Variants in STAT2 observed in about 807,000 individuals in gnomAD.
STAT2 encodes the protein signal transducer and activator of transcription 2, also known as interferon alpha induced transcriptional activator.
In STAT2, 51 loss-of-function variants were observed where a neutral mutation model predicts 122.3. That is an observed-to-expected ratio of 0.42 (90% CI 0.33 to 0.53). STAT2 has a LOEUF of 0.53. Ranked by LOEUF, STAT2 falls within the 20% of genes least tolerant of loss-of-function variation. The pLI, the probability that STAT2 is intolerant of heterozygous loss-of-function variation, is 0.10. For missense variants in STAT2, 736 were observed against 1,010.3 expected, an observed-to-expected ratio of 0.73 and a Z score of 3.68; for synonymous variants, 351 against 394.9, an observed-to-expected ratio of 0.89 and a Z score of 1.32.
At chr12:56,355,996 T>G in intron 3 of STAT2, 136 bp downstream of exon 3, 1 of 1,345,082 alleles carries the variant, frequency 7.4e-7, no homozygotes, top group Non-Finnish European at 1.0e-6. Context: ...ATTCCCCAAG[T>G]CCAGACTCTG....
rs190369896 is a variant in STAT2 at position 56,342,447 on chromosome 12, A to T, written c.*942T>A. 5.3e-5 allele frequency: 8 copies of T among 151,922 alleles called. No homozygotes were observed. In the East Asian group the frequency reaches 1.4e-3, roughly 26 times the overall value. The allele number at this position is 151,922 out of a possible 1,614,324, so 9.4% of individuals were successfully genotyped here. ...GACCCTGTCTTTAAAAAAAAAAAAT[A>T]GGGCATGGTGGCGCATGCCATGGTG... On this transcript the variant is annotated 3_prime_UTR_variant, in exon 24 of 24. Transcript: ENST00000314128.
intron 1 of STAT2, among the ~76,000 whole-genome samples, chr12:56,359,180 G>C (rs1879986527): frequency 6.6e-6 from 1 of 152,160 alleles, no homozygotes; most frequent in African/African-American, 2.4e-5. Flanking sequence ...AGGGAAGGGA[G>C]GGATTGGGCA....
At position 56,346,212 on chromosome 12, in the gene STAT2, A is replaced by C. The variant is rs1291159527; in HGVS notation, c.2045-9T>G. ...CCGTTCCTGGAGATTAACTGTGAGG[A>C]ACATATACAAGAAGCAGAGAAGATC... On this transcript the variant is annotated splice_polypyrimidine_tract_variant and intron_variant, in intron 21 of 23. Coordinates refer to ENST00000314128, the MANE Select transcript of STAT2 (RefSeq NM_005419.4). 5 of 1,613,748 alleles carry C rather than the reference A, an allele frequency of 3.1e-6. No individual in the cohort carries two copies. The highest frequency in any genetic ancestry group is 2.2e-5 in the East Asian group (1 of 44,898).
At chr12:56,359,865 G>C (rs1880111072) in intron 1 of STAT2, among the ~76,000 whole-genome samples, 193 bp downstream of exon 1, 1 of 152,186 alleles carries the variant, frequency 6.6e-6, no homozygotes, top group Non-Finnish European at 1.5e-5. Context: ...TTTTGGGAGA[G>C]GGGCATTAGG....
At position 56,342,628 on chromosome 12, in the gene STAT2, C is replaced by T. The variant is rs1354492256; in HGVS notation, c.*761G>A. 1 of 152,188 alleles carries T rather than the reference C, an allele frequency of 6.6e-6. No homozygotes were observed. Among genetic ancestry groups the T allele is most frequent in the Non-Finnish European group, 1.5e-5 (1 of 68,244 alleles). 9.4% of individuals were successfully genotyped at this position (152,188 alleles called of 1,614,324 possible). A position where few individuals can be genotyped will look rare whatever the true frequency, so the allele number is the denominator to read the frequency against. On this transcript the variant is annotated 3_prime_UTR_variant, in exon 24 of 24. Coordinates refer to ENST00000314128, the MANE Select transcript of STAT2 (RefSeq NM_005419.4). The stretch of plus-strand genomic sequence containing the variant: ...CCCCAGCAATCCTACCATCCCCAGC[C>T]TCCAGGAGTGATCTGTCTCCTAAGC...
chr12:56,350,535 C>A (rs1355588991), intron 11 of STAT2, 103 bp from the exon 12 acceptor site: 9 of 1,080,092 alleles, frequency 8.3e-6, no homozygotes, highest in South Asian at 6.4e-5. Flanking sequence ...CCGACTTGAG[C>A]TCACTAGCTA....
chr12:56,346,390 A>C (rs780402139), intron 21 of STAT2, 52 bp downstream of exon 21: 1 of 1,604,508 alleles, frequency 6.2e-7, no homozygotes, highest in Non-Finnish European at 8.5e-7. Context: ...GGATCTATGG[A>C]TGTCTGGTAG....
intron 1 of STAT2, among the ~76,000 whole-genome samples, chr12:56,358,800 G>A (rs1396733832): frequency 6.6e-6 from 1 of 152,126 alleles, no homozygotes; most frequent in Non-Finnish European, 1.5e-5. Context: ...AGAGGCTGAG[G>A]CAGGAGAATG....
intron 8 of STAT2, chr12:56,352,421 T>C (rs1878672295): frequency 6.8e-6 from 1 of 146,802 alleles, no homozygotes; most frequent in African/African-American, 2.5e-5. Flanking sequence ...GAAAGCCTGC[T>C]AGACAAATCC....
chr12:56,347,007 G>T (rs74878892), intron 19 of STAT2, 52 bp from the exon 20 acceptor site: 2 of 1,597,848 alleles, frequency 1.3e-6, no homozygotes, highest in South Asian at 2.2e-5. Flanking sequence ...TGCCCCACCA[G>T]GCCCCTGCCT....
At position 56,349,480 on chromosome 12, in the gene STAT2, G is replaced by A. The variant is rs1275716744; in HGVS notation, c.1287C>T (p.His429=). 2 of 1,614,188 alleles carry A rather than the reference G, an allele frequency of 1.2e-6. No individual in the cohort carries two copies. The highest frequency in any genetic ancestry group is 8.5e-7 in the Non-Finnish European group (1 of 1,180,036). ...KGPLGVTEEL[H]IISFTVKYTY... is the part of the protein sequence containing the mutation. Reference sequence around the variant, plus strand: ...TATATTTGACCGTGAAGCTGATGATGTGCAGTTCCTCTGTCACACCTAGTG... The same window carrying A: ...TATATTTGACCGTGAAGCTGATGATATGCAGTTCCTCTGTCACACCTAGTG... The change falls in exon 15 of 24, where the codon CAC becomes CAT. Residue 429 remains histidine (H), a synonymous_variant. Coordinates refer to ENST00000314128, the MANE Select transcript of STAT2 (RefSeq NM_005419.4).
At position 56,349,156 on chromosome 12, in the gene STAT2, C is replaced by A; in HGVS notation, c.1440+7G>T. 6.2e-7 allele frequency: 1 copy of A among 1,614,154 alleles called. No homozygotes were observed. Among genetic ancestry groups the A allele is most frequent in the African/African-American group, 1.3e-5 (1 of 75,024 alleles). On this transcript the variant is annotated splice_region_variant and intron_variant, in intron 16 of 23. Transcript: ENST00000314128. ...CGCGCCTTGACCTGTCGGCCCCACT[C>A]CCCTACCTGAAGGTTTGGGCTGAGC...
chr12:56,343,547 A>G lies in STAT2; in HGVS notation c.2414-16T>C. ...TTTCTGAAGACTAGGTAATCCAGAGAGAAAAGTGAGGCCCCGATCTTAGTT... is the reference window on the plus strand; with the variant it reads ...TTTCTGAAGACTAGGTAATCCAGAGGGAAAAGTGAGGCCCCGATCTTAGTT... On this transcript the variant is annotated splice_polypyrimidine_tract_variant and intron_variant, in intron 23 of 23. Transcript: ENST00000314128. 5 of 1,610,692 alleles carry G rather than the reference A, an allele frequency of 3.1e-6. No individual in the cohort carries two copies. The highest frequency in any genetic ancestry group is 4.2e-6 in the Non-Finnish European group (5 of 1,177,696).
chr12:56,351,563 A>T, intron 8 of STAT2, 113 bp from the exon 9 acceptor site: 1 of 1,040,224 alleles, frequency 9.6e-7, no homozygotes, highest in South Asian at 1.7e-5. Context: ...TGGGGGGAAG[A>T]AAAAAAAAGA....
Position 56,343,177 on chromosome 12 carries a change from T to A in STAT2, c.*212A>T, listed in dbSNP as rs893097538. 1.7e-6 allele frequency: 1 copy of A among 601,354 alleles called. No homozygotes were observed. 37.3% of individuals were successfully genotyped at this position (601,354 alleles called of 1,614,324 possible). On this transcript the variant is annotated 3_prime_UTR_variant, in exon 24 of 24. Coordinates refer to ENST00000314128, the MANE Select transcript of STAT2 (RefSeq NM_005419.4). ...GCCTCCAGGATCCTATTTAGACCTA[T>A]GGCTCAGCATCTGTTCTGATTCATT...
intron 5 of STAT2, 46 bp from the exon 6 acceptor site, chr12:56,355,397 G>T (rs759675410): frequency 3.7e-6 from 6 of 1,614,064 alleles, no homozygotes; most frequent in Non-Finnish European, 5.1e-6. Flanking sequence ...TCAGGGAGGT[G>T]TTAGGCTGAA....
chr12:56,355,542 G>C lies in STAT2; in HGVS notation c.382-10C>G. On this transcript the variant is annotated splice_polypyrimidine_tract_variant and intron_variant, in intron 4 of 23. Transcript: ENST00000314128. ...CTGGCTCTCCTTGTTCCTGAAAAAA[G>C]AGGCTCTGAGCACGTTTTAACTCTG... The C allele has an allele frequency of 1.2e-6, 2 of 1,614,130 alleles. No homozygotes were observed. Among genetic ancestry groups the C allele is most frequent in the Non-Finnish European group, 1.7e-6 (2 of 1,179,996 alleles).
chr12:56,351,802 A>C lies in STAT2; in HGVS notation c.783-352T>G, dbSNP rs1049214236. 1.1e-4 allele frequency among the ~76,000 whole-genome samples: 17 copies of C among 152,302 alleles called. 1 individual carries two copies. Among genetic ancestry groups the C allele is most frequent in the Admixed American group, 7.9e-4 (12 of 15,284 alleles). ...ACATTACAGATGATAAAACTGAGGCACAGAAAGGTTAAGTGACTTGCTTAA... is the reference window on the plus strand; with the variant it reads ...ACATTACAGATGATAAAACTGAGGCCCAGAAAGGTTAAGTGACTTGCTTAA... On this transcript the variant is annotated intron_variant, in intron 8 of 23. Transcript: ENST00000314128.
chr12:56,345,172 CAAAAAAA>C (rs35648397), intron 22 of STAT2, among the ~76,000 whole-genome samples: 7 of 27,150 alleles, frequency 2.6e-4, no homozygotes, highest in Admixed American at 5.0e-4. Flanking sequence ...GAGACTGTCT[CAAAAAAA>C]AAAAAAAAAA....
Sources: gnomAD v4.1 joint callset for allele counts (sites outside exome capture counted in the v4.1 genomes callset) on GRCh38, gnomAD v4.1.1 for gene constraint, MANE v1.5 for transcripts, NCBI Gene and HGNC (gene_info 2026-07-23, HGNC 2026-07-21) for gene names.